Variants in ZNF804A observed in about 807,000 individuals in gnomAD.
ZNF804A encodes zinc finger protein 804A.
A neutral mutation model predicts 16.5 loss-of-function variants in ZNF804A; 2 were observed. The observed-to-expected ratio is 0.12, with a 90% CI of 0.05 to 0.38. ZNF804A has a LOEUF of 0.38. Among genes scored for constraint, ZNF804A ranks in the 10% least tolerant of loss-of-function variants. ZNF804A has a pLI of 0.99. For missense variants in ZNF804A, 1,473 were observed against 1,390.7 expected (o/e 1.06, Z -0.94); for synonymous variants, 534 against 489.6 (o/e 1.09, Z -1.20).
chr2:184,854,576 G>C (rs564710822), intron 1 of ZNF804A, among the ~76,000 whole-genome samples: 1 of 152,076 alleles, frequency 6.6e-6, no homozygotes, highest in South Asian at 2.1e-4. Context: ...AAGAATAAAA[G>C]CATTCATGTT....
At chr2:184,731,251 CAAAAAAAAAAAAAA>C (rs563068533) in intron 1 of ZNF804A, among the ~76,000 whole-genome samples, 10 of 45,312 alleles carry the variant, frequency 2.2e-4, no homozygotes, top group South Asian at 1.5e-3. Flanking sequence ...GGCTCCGTCG[CAAAAAAAAAAAAAA>C]AAAAAAAAAA....
intron 1 of ZNF804A, among the ~76,000 whole-genome samples, chr2:184,700,838 C>T (rs770976857): frequency 1.3e-5 from 2 of 151,770 alleles, no homozygotes; most frequent in African/African-American, 2.4e-5. Context: ...TGGAAATGAC[C>T]CTCCATTGTT....
At chr2:184,693,416 C>A (rs2105726622) in intron 1 of ZNF804A, among the ~76,000 whole-genome samples, 1 of 152,242 alleles carries the variant, frequency 6.6e-6, no homozygotes, top group East Asian at 1.9e-4. Flanking sequence ...GCCTTGCAAT[C>A]CAAGATAATT....
intron 1 of ZNF804A, among the ~76,000 whole-genome samples, chr2:184,617,473 ATAGC>A (rs1691346137): frequency 6.6e-6 from 1 of 151,960 alleles, no homozygotes; most frequent in Non-Finnish European, 1.5e-5. Context: ...AGCTTTATGA[ATAGC>A]AGAACAAATG....
chr2:184,671,652 A>C (rs958215231), intron 1 of ZNF804A, among the ~76,000 whole-genome samples: 6 of 152,138 alleles, frequency 3.9e-5, no homozygotes, highest in African/African-American at 1.2e-4. Flanking sequence ...ATTAAACTTG[A>C]TATTGATTGA....
intron 1 of ZNF804A, among the ~76,000 whole-genome samples, chr2:184,765,517 T>C (rs1192626672): frequency 6.6e-6 from 1 of 151,998 alleles, no homozygotes; most frequent in African/African-American, 2.4e-5. Context: ...CCTATCCTGT[T>C]TTGTTCTGAT....
At chr2:184,656,181 C>T (rs1341690184) in intron 1 of ZNF804A, among the ~76,000 whole-genome samples, 1 of 151,996 alleles carries the variant, frequency 6.6e-6, no homozygotes, top group Non-Finnish European at 1.5e-5. Flanking sequence ...CTGTGGTATA[C>T]ATCAGATATA....
intron 1 of ZNF804A, among the ~76,000 whole-genome samples, chr2:184,761,450 G>A (rs535999818): frequency 3.8e-4 from 58 of 152,188 alleles, no homozygotes; most frequent in African/African-American, 1.2e-3. Flanking sequence ...ATATGCATAG[G>A]ATAGTTTGAT....
At chr2:184,898,972 G>T (rs540399531) in intron 2 of ZNF804A, among the ~76,000 whole-genome samples, 255 of 151,982 alleles carry the variant, frequency 1.7e-3, no homozygotes, top group Non-Finnish European at 2.9e-3. Context: ...TAAGCCTTGT[G>T]TTTGTAAGTG....
intron 1 of ZNF804A, among the ~76,000 whole-genome samples, chr2:184,721,455 A>G (rs75695336): frequency 0.012 from 1,882 of 152,210 alleles, 34 homozygotes; most frequent in African/African-American, 0.043. Context: ...TAAGACATAC[A>G]AACGTCCAAC....
rs1447616519 is a variant in ZNF804A, at chr2:184,938,132, T to C, written c.2736T>C (p.Asn912=). The C allele has an allele frequency of 5.6e-6, 9 of 1,614,118 alleles. No individual in the cohort carries two copies. The highest frequency in any genetic ancestry group is 6.8e-6 in the Non-Finnish European group (8 of 1,180,020). ...CTGGTGAATTGTCAGATGTTTCCAA[T>C]GATCCCACCACATCTGTCTGTGTAG... ...TTSGELSDVS[N]DPTTSVCVAS... Residue 912 remains asparagine (N), a synonymous_variant, in exon 4 of 4, where the codon AAT becomes AAC. Coordinates refer to ENST00000302277, the MANE Select transcript of ZNF804A (RefSeq NM_194250.2).
chr2:184,804,582 G>A (rs1349605147), intron 1 of ZNF804A, among the ~76,000 whole-genome samples: 1 of 152,194 alleles, frequency 6.6e-6, no homozygotes, highest in Non-Finnish European at 1.5e-5. Context: ...AAGTCTTGAT[G>A]TAGAAATAGA....
chr2:184,794,533 T>G (rs1329087981), intron 1 of ZNF804A, among the ~76,000 whole-genome samples: 2 of 152,118 alleles, frequency 1.3e-5, no homozygotes, highest in Non-Finnish European at 2.9e-5. Flanking sequence ...GTCTGTTTAC[T>G]GACTTCCTTT....
At chr2:184,800,837 ATTTAC>A (rs965410507) in intron 1 of ZNF804A, among the ~76,000 whole-genome samples, 2 of 152,020 alleles carry the variant, frequency 1.3e-5, no homozygotes, top group Non-Finnish European at 2.9e-5. Context: ...TATATAGTCA[ATTTAC>A]TTTAATCAGT....
At chr2:184,887,111 G>T (rs1574257136) in intron 2 of ZNF804A, among the ~76,000 whole-genome samples, 3 of 152,130 alleles carry the variant, frequency 2.0e-5, no homozygotes, top group Non-Finnish European at 1.5e-5. Context: ...TAAATGCTTT[G>T]CTGGTTACAA....
chr2:184,938,899 A>T lies in ZNF804A; in HGVS notation c.3503A>T (p.Gln1168Leu). Residue 1168 changes from glutamine (Q) to leucine (L), a missense_variant, in exon 4 of 4, where the codon CAG becomes CTG. Transcript: ENST00000302277. ...CAGCCAACTTTTGTTGCTCCTCCTC[A>T]GATGCCAATCATTCCAGCTTCCGTT... ...GNQPTFVAPP[Q>L]MPIIPASVLH... The T allele has an allele frequency of 6.2e-7, 1 of 1,613,942 alleles. No homozygotes were observed.
At chr2:184,636,023 T>C (rs1315570050) in intron 1 of ZNF804A, among the ~76,000 whole-genome samples, 3 of 152,222 alleles carry the variant, frequency 2.0e-5, no homozygotes, top group African/African-American at 7.2e-5. Flanking sequence ...TCCATTTTTA[T>C]AATTCTAACA....
At chr2:184,797,827 GT>G (rs1013883982) in intron 1 of ZNF804A, among the ~76,000 whole-genome samples, 1 of 152,036 alleles carries the variant, frequency 6.6e-6, no homozygotes, top group Non-Finnish European at 1.5e-5. Context: ...GCTTTAAAGA[GT>G]TTCTGTTTTG....
At chr2:184,826,035 C>T (rs1688678619) in intron 1 of ZNF804A, among the ~76,000 whole-genome samples, 1 of 149,446 alleles carries the variant, frequency 6.7e-6, no homozygotes, top group Non-Finnish European at 1.5e-5. Flanking sequence ...CCATGCCAGG[C>T]TATTTATTTA....
Sources: allele counts gnomAD v4.1 joint callset (sites outside exome capture counted in the v4.1 genomes callset), GRCh38; gene constraint gnomAD v4.1.1; transcripts MANE v1.5; gene names NCBI Gene and HGNC (gene_info 2026-07-23, HGNC 2026-07-21).